BCLAF3: variants seen among roughly 807,000 people sequenced by gnomAD.
The protein encoded by BCLAF3 is BCLAF1 and THRAP3 family member 3.
A neutral mutation model predicts 51.2 loss-of-function variants in BCLAF3; 24 were observed. The ratio of observed to expected loss-of-function variants is 0.47; its 90% CI spans 0.34 to 0.66. The LOEUF is 0.66. BCLAF3 is among the 30% of genes least tolerant of loss of function. BCLAF3 has a pLI of 0.01. For synonymous variants in BCLAF3, 152 were observed against 176.6 expected (o/e 0.86, Z 1.10); for missense variants, 465 against 525.1 (o/e 0.89, Z 1.12).
chrX:19,988,980 T>C (rs2072877943), intron 1 of BCLAF3, among the ~76,000 whole-genome samples: 1 of 111,547 alleles, frequency 9.0e-6, no homozygotes, highest in Non-Finnish European at 1.9e-5. Context: ...GTAGTTGTAC[T>C]TGGTTGGAGA....
chrX:19,952,554 G>A (rs748136343), intron 7 of BCLAF3, among the ~76,000 whole-genome samples: 4 of 110,828 alleles, frequency 3.6e-5, no homozygotes, highest in Non-Finnish European at 5.7e-5. Flanking sequence ...AGAATGTTTC[G>A]TACATTCTGC....
chrX:19,931,072 A>T (rs913451844), intron 10 of BCLAF3, among the ~76,000 whole-genome samples: 7 of 112,313 alleles, frequency 6.2e-5, no homozygotes, highest in African/African-American at 2.3e-4. Flanking sequence ...TCTTTACCAC[A>T]AAAGATCCAT....
chrX:19,975,998 C>T (rs1295121935), intron 1 of BCLAF3, among the ~76,000 whole-genome samples: 1 of 111,732 alleles, frequency 8.9e-6, no homozygotes, highest in African/African-American at 3.3e-5. Context: ...GACTTGTGTC[C>T]ATACTCTCAT....
intron 10 of BCLAF3, among the ~76,000 whole-genome samples, chrX:19,932,837 T>C (rs1024574585): frequency 5.4e-5 from 6 of 111,823 alleles, no homozygotes; most frequent in African/African-American, 6.5e-5. Flanking sequence ...TGGCCGGATA[T>C]GAGTCAAGAT....
intron 4 of BCLAF3, among the ~76,000 whole-genome samples, chrX:19,959,962 ATTTTTGTAT>A (rs767247679): frequency 1.6e-4 from 17 of 108,958 alleles, no homozygotes; most frequent in African/African-American, 5.7e-4. Flanking sequence ...CACCTGGCTA[ATTTTTGTAT>A]TTTTTGTAAA....
rs1291898681 is a variant in BCLAF3 at position 19,991,057 on chromosome X, G to T, written c.-184C>A. ...CACCTCTGCCGGGCCGCGGGACCCG[G>T]AACCACTTCCTTCCGGAACCGCCTC... On this transcript the variant is annotated 5_prime_UTR_variant, in exon 1 of 12. Coordinates refer to ENST00000379682, the MANE Select transcript of BCLAF3 (RefSeq NM_001367774.2). 9.3e-6 allele frequency among the ~76,000 whole-genome samples: 1 copy of T among 107,896 alleles called. No individual in the cohort carries two copies. Among genetic ancestry groups the T allele is most frequent in the African/African-American group, 3.4e-5 (1 of 29,766 alleles). 93.7% of individuals were successfully genotyped at this position (107,896 alleles called of 115,157 possible). A position where few individuals can be genotyped will look rare whatever the true frequency, so the allele number is the denominator to read the frequency against.
intron 4 of BCLAF3, among the ~76,000 whole-genome samples, chrX:19,957,618 G>A (rs961634114): frequency 5.4e-5 from 6 of 111,147 alleles, no homozygotes; most frequent in Non-Finnish European, 1.1e-4. Flanking sequence ...TGAAACTCTT[G>A]TCCCCACTCC....
intron 4 of BCLAF3, among the ~76,000 whole-genome samples, chrX:19,958,847 A>C: frequency 8.9e-6 from 1 of 112,528 alleles, no homozygotes; most frequent in Non-Finnish European, 1.9e-5. Context: ...CCCAAGAACC[A>C]ATTTAGAAAC....
At chrX:19,927,871 CTCTTTCTT>C (rs907635262) in intron 11 of BCLAF3, among the ~76,000 whole-genome samples, 1 of 106,190 alleles carries the variant, frequency 9.4e-6, no homozygotes, top group African/African-American at 3.4e-5. Flanking sequence ...GCTGCATTTT[CTCTTTCTT>C]TCTTTCTTTT....
chrX:19,983,081 A>G (rs983496015), intron 1 of BCLAF3, among the ~76,000 whole-genome samples: 49 of 105,328 alleles, frequency 4.7e-4, no homozygotes, highest in Non-Finnish European at 1.9e-4. Flanking sequence ...CAGCCTCCCA[A>G]GTAGCTGGTA....
At chrX:19,984,688 AC>A (rs2072737084) in intron 1 of BCLAF3, among the ~76,000 whole-genome samples, 1 of 110,547 alleles carries the variant, frequency 9.0e-6, no homozygotes, top group Non-Finnish European at 1.9e-5. Flanking sequence ...CTAAAATTAT[AC>A]TTTTTTTTTT....
intron 10 of BCLAF3, chrX:19,935,591 G>GAAAAAAATAAA: frequency 2.7e-6 from 1 of 368,074 alleles, no homozygotes; most frequent in East Asian, 4.4e-5. Context: ...TTTGGAAAAG[G>GAAAAAAATAAA]AATCTACTGG....
intron 8 of BCLAF3, among the ~76,000 whole-genome samples, chrX:19,945,057 T>C (rs1182118344): frequency 2.8e-5 from 3 of 108,982 alleles, no homozygotes; most frequent in Non-Finnish European, 5.7e-5. Context: ...TTTCTTCCAG[T>C]TGATCGCATC....
At chrX:19,930,001 G>A in intron 10 of BCLAF3, 61 bp from the exon 11 acceptor site, 2 of 1,109,990 alleles carry the variant, frequency 1.8e-6, no homozygotes, top group East Asian at 3.1e-5. Flanking sequence ...TACTTTATTA[G>A]TAAACAGATG....
intron 4 of BCLAF3, among the ~76,000 whole-genome samples, chrX:19,956,232 T>C (rs2147909806): frequency 8.9e-6 from 1 of 112,032 alleles, no homozygotes; most frequent in East Asian, 2.8e-4. Flanking sequence ...CTTACCACTT[T>C]AATGCCTTCT....
Position 19,959,298 on chromosome X carries a change from T to C in BCLAF3, c.1275-3732A>G, listed in dbSNP as rs1391413000. Among the ~76,000 whole-genome samples, 14 of 111,494 alleles carry C rather than the reference T, an allele frequency of 1.3e-4. No individual in the cohort carries two copies. The Admixed American group carries it at 1.3e-3, about 11-fold the overall frequency. On this transcript the variant is annotated intron_variant, in intron 4 of 11. Transcript: ENST00000379682. ...ATCTTCTGCTGAGTCACACATGCAC[T>C]CCAATAAACCAAAGGAGGAGGAACC... is the stretch of plus-strand genomic sequence containing the variant.
intron 8 of BCLAF3, among the ~76,000 whole-genome samples, chrX:19,945,062 C>T (rs979231893): frequency 2.2e-4 from 24 of 109,028 alleles, no homozygotes; most frequent in Non-Finnish European, 3.4e-4. Flanking sequence ...TCCAGTTGAT[C>T]GCATCGGCTC....
intron 10 of BCLAF3, among the ~76,000 whole-genome samples, chrX:19,934,675 T>C (rs780100640): frequency 1.6e-4 from 18 of 112,088 alleles, no homozygotes; most frequent in Non-Finnish European, 3.4e-4. Context: ...TTAGATAGTT[T>C]CTACTACTTT....
intron 4 of BCLAF3, among the ~76,000 whole-genome samples, chrX:19,957,439 T>C (rs1365723309): frequency 8.9e-6 from 1 of 112,345 alleles, no homozygotes. Flanking sequence ...AGGAAAATAG[T>C]ATATTTAAAT....
Sources: gnomAD v4.1 joint callset for allele counts (sites outside exome capture counted in the v4.1 genomes callset) on GRCh38, gnomAD v4.1.1 for gene constraint, MANE v1.5 for transcripts, NCBI Gene and HGNC (gene_info 2026-07-23, HGNC 2026-07-21) for gene names.